The following FANCB variants were observed in gnomAD, a reference collection of about 807,000 sequenced individuals.
The protein encoded by FANCB is FA complementation group B.
FANCB carries 5 observed loss-of-function variants against 38.9 expected under a neutral mutation model. That is an observed-to-expected ratio of 0.13 (90% CI 0.07 to 0.27). The LOEUF is 0.27. Ranked by LOEUF, FANCB falls within the 10% of genes least tolerant of loss-of-function variation. The probability of loss-of-function intolerance (pLI) is 1.00; values close to 1 mark genes in which losing one functional copy is unlikely to be tolerated. For synonymous variants in FANCB, 236 were observed against 215.4 expected (o/e 1.10, Z -0.84); for missense variants, 573 against 602.7 (o/e 0.95, Z 0.52).
chrX:14,771,278 G>A, the FANCB span, among the ~76,000 whole-genome samples: 17 of 111,251 alleles, frequency 1.5e-4, no homozygotes, highest in East Asian at 2.3e-3. Flanking sequence ...CCAATCAGTC[G>A]TAGGTTAGGT....
At chrX:14,835,689 A>C (rs1385126092), downstream of FANCB, among the ~76,000 whole-genome samples, 2 of 111,895 alleles carry the variant, frequency 1.8e-5, no homozygotes, top group African/African-American at 6.5e-5. Flanking sequence ...GAAACTCAAA[A>C]GGCTGCCCAG....
chrX:14,727,389 C>G, the FANCB span, among the ~76,000 whole-genome samples: 1 of 112,051 alleles, frequency 8.9e-6, no homozygotes, highest in Non-Finnish European at 1.9e-5. Context: ...AGGCACAGAA[C>G]AGAAATATCC....
chrX:14,741,520 C>T, the FANCB span, among the ~76,000 whole-genome samples: 3 of 111,587 alleles, frequency 2.7e-5, no homozygotes, highest in Admixed American at 2.9e-4. Context: ...CCAGCTAGTA[C>T]AGCAACCCCC....
chrX:14,753,681 G>A, the FANCB span, among the ~76,000 whole-genome samples: 1 of 110,969 alleles, frequency 9.0e-6, no homozygotes. Flanking sequence ...AGTGATTACC[G>A]AGTTCCCAAG....
At chrX:14,810,509 C>T in the FANCB span, among the ~76,000 whole-genome samples, 10 of 111,852 alleles carry the variant, frequency 8.9e-5, no homozygotes, top group Admixed American at 5.7e-4. Flanking sequence ...TCGAGAACTA[C>T]GCGAAGAAAG....
chrX:14,738,381 G>T, the FANCB span, among the ~76,000 whole-genome samples: 1 of 112,080 alleles, frequency 8.9e-6, no homozygotes, highest in African/African-American at 3.2e-5. Flanking sequence ...CTGAGGAAGA[G>T]ACCTTCTTAC....
chrX:14,720,186 G>A, the FANCB span, among the ~76,000 whole-genome samples: 1 of 111,359 alleles, frequency 9.0e-6, no homozygotes, highest in Admixed American at 9.6e-5. Context: ...AGAGGATTTT[G>A]AATGTTATCA....
At chrX:14,785,904 C>T in the FANCB span, among the ~76,000 whole-genome samples, 1 of 111,583 alleles carries the variant, frequency 9.0e-6, no homozygotes. Context: ...AGTGTGCTTT[C>T]TCAGACCACT....
At chrX:14,708,658 C>A in the FANCB span, among the ~76,000 whole-genome samples, 3 of 111,850 alleles carry the variant, frequency 2.7e-5, no homozygotes, top group African/African-American at 9.7e-5. Flanking sequence ...GACATCAGGC[C>A]AGGCGCGGTG....
chrX:14,810,020 T>C, the FANCB span, among the ~76,000 whole-genome samples: 1 of 112,057 alleles, frequency 8.9e-6, no homozygotes, highest in Non-Finnish European at 1.9e-5. Context: ...GCATTCGTGG[T>C]TCTGCAGCCA....
the FANCB span, among the ~76,000 whole-genome samples, chrX:14,697,686 T>TATGGC: frequency 9.0e-5 from 10 of 110,755 alleles, no homozygotes; most frequent in Non-Finnish European, 1.1e-4. Flanking sequence ...AGCCTTGTTC[T>TATGGC]ATGGCATGGC....
the FANCB span, among the ~76,000 whole-genome samples, chrX:14,736,342 G>A: frequency 9.0e-6 from 1 of 111,510 alleles, no homozygotes; most frequent in Non-Finnish European, 1.9e-5. Context: ...CCAGTTTAGT[G>A]CTTGAAACCC....
the FANCB span, among the ~76,000 whole-genome samples, chrX:14,713,187 C>T: frequency 1.8e-5 from 2 of 112,254 alleles, no homozygotes; most frequent in Non-Finnish European, 3.8e-5. Context: ...TGATTTGTCA[C>T]TGATGCTGTT....
chrX:14,708,512 G>A, the FANCB span, among the ~76,000 whole-genome samples: 2 of 111,417 alleles, frequency 1.8e-5, no homozygotes, highest in South Asian at 3.7e-4. Context: ...ACACTCACAC[G>A]CCACCTGAGT....
chrX:14,745,653 A>G, the FANCB span, among the ~76,000 whole-genome samples: 1 of 104,261 alleles, frequency 9.6e-6, no homozygotes, highest in African/African-American at 3.5e-5. Context: ...CAAAATGAAT[A>G]CAAGTCTTGA....
the FANCB span, among the ~76,000 whole-genome samples, chrX:14,712,371 C>T: frequency 3.6e-5 from 4 of 111,670 alleles, no homozygotes; most frequent in Non-Finnish European, 7.5e-5. Context: ...CAAAAATGAC[C>T]CTAGTTGAGA....
chrX:14,731,726 TATA>T, the FANCB span: 1 of 111,748 alleles, frequency 8.9e-6, no homozygotes, highest in Admixed American at 9.6e-5. Context: ...CCTGTAAAAA[TATA>T]ATAATTAAAT....
chrX:14,806,006 A>C, the FANCB span, among the ~76,000 whole-genome samples: 3 of 112,514 alleles, frequency 2.7e-5, no homozygotes, highest in Non-Finnish European at 1.9e-5. Flanking sequence ...ATTGTGTTAC[A>C]GAAAATGCTA....
the FANCB span, among the ~76,000 whole-genome samples, chrX:14,760,457 G>A: frequency 9.0e-6 from 1 of 111,495 alleles, no homozygotes; most frequent in Admixed American, 9.5e-5. Context: ...TCATAGTTAG[G>A]AGAAATAAGT....
Sources: gnomAD v4.1 joint callset for allele counts (sites outside exome capture counted in the v4.1 genomes callset) on GRCh38, gnomAD v4.1.1 for gene constraint, MANE v1.5 for transcripts, NCBI Gene and HGNC (gene_info 2026-07-23, HGNC 2026-07-21) for gene names.